The following PTPRN2 variants were observed in gnomAD, a reference collection of about 807,000 sequenced individuals.
The protein encoded by PTPRN2 is protein tyrosine phosphatase receptor type N2.
A neutral mutation model predicts 118.8 loss-of-function variants in PTPRN2; 74 were observed. The observed-to-expected ratio is 0.62, with a 90% confidence interval of 0.52 to 0.76. PTPRN2 has a LOEUF of 0.76. PTPRN2 is among the 30% of genes least tolerant of loss of function. The probability of loss-of-function intolerance (pLI) is 0.00; values close to 1 mark genes in which losing one functional copy is unlikely to be tolerated. For synonymous variants in PTPRN2, 641 were observed against 608.0 expected (o/e 1.05, Z -0.80); for missense variants, 1,481 against 1,394.4 (o/e 1.06, Z -0.99).
chr7:158,331,868 G>A (rs1412203999), intron 2 of PTPRN2, among the ~76,000 whole-genome samples: 1 of 109,682 alleles, frequency 9.1e-6, no homozygotes, highest in Non-Finnish European at 2.1e-5. Flanking sequence ...CACCATAAGA[G>A]CTGACACCCG....
intron 3 of PTPRN2, among the ~76,000 whole-genome samples, chr7:158,315,008 GAAGGACAGAGGTGAACCCGGGACGCCCTC>G (rs1563124408): frequency 7.0e-5 from 9 of 128,430 alleles, no homozygotes; most frequent in Admixed American, 7.6e-5. Context: ...GGGACCCCCT[GAAGGACAGAGGTGAACCCGGGACGCCCTC>G]AAGGACAGAG....
intron 11 of PTPRN2, among the ~76,000 whole-genome samples, chr7:157,982,974 A>G (rs868723049): frequency 2.1e-5 from 1 of 47,704 alleles, no homozygotes; most frequent in African/African-American, 9.0e-5. Flanking sequence ...TGCAGAGTGC[A>G]GGGTCCCCCC....
In PTPRN2 at chr7:157,676,853, A is replaced by G. The variant is rs1445275079; in HGVS notation, c.2001+5872T>C. ...AGGACCTGCTGTGCATGCAGGGGTC[A>G]CCCCAGGAGCGACCCTGGCTTTGAC... On this transcript the variant is annotated intron_variant, in intron 13 of 22. Transcript: ENST00000389418. This position sits in a 1 kb window ranked among gnomAD's most constrained non-coding sequence, Gnocchi z 5.6. 6.6e-6 allele frequency among the ~76,000 whole-genome samples: 1 copy of G among 152,180 alleles called. No homozygotes were observed. The highest frequency in any genetic ancestry group is 6.5e-5 in the Admixed American group (1 of 15,288).
intron 10 of PTPRN2, among the ~76,000 whole-genome samples, chr7:158,090,259 G>A (rs965544177): frequency 6.6e-6 from 1 of 150,648 alleles, no homozygotes; most frequent in Non-Finnish European, 1.5e-5. Context: ...CTCGAACAAT[G>A]TGTTCACATG....
intron 20 of PTPRN2, 128 bp downstream of exon 20, chr7:157,571,312 G>T: frequency 1.5e-6 from 1 of 650,846 alleles, no homozygotes; most frequent in Non-Finnish European, 2.6e-6. Context: ...TTATATTTTT[G>T]GTTTCCTTTA....
chr7:158,230,325 C>G (rs1215126061), intron 3 of PTPRN2, among the ~76,000 whole-genome samples: 1 of 152,086 alleles, frequency 6.6e-6, no homozygotes, highest in African/African-American at 2.4e-5. Context: ...ATAAAACACA[C>G]CGGTAAAAGT....
At chr7:157,921,577 G>A (rs1026225102) in intron 11 of PTPRN2, among the ~76,000 whole-genome samples, 1 of 152,242 alleles carries the variant, frequency 6.6e-6, no homozygotes, top group African/African-American at 2.4e-5. Context: ...TTTCTTGCAG[G>A]AGTGTGATAA....
intron 2 of PTPRN2, among the ~76,000 whole-genome samples, chr7:158,456,541 C>A (rs1207532440): frequency 2.0e-5 from 3 of 151,146 alleles, no homozygotes; most frequent in African/African-American, 7.3e-5. Context: ...CATCGCTCTG[C>A]GGAGAACATA....
chr7:158,369,249 T>TTTTATATA (rs1809766583), intron 2 of PTPRN2, among the ~76,000 whole-genome samples: 1 of 143,960 alleles, frequency 6.9e-6, no homozygotes, highest in South Asian at 2.3e-4. Flanking sequence ...AAACTCCCCT[T>TTTTATATA]TATATATATA....
At chr7:158,125,914 G>A (rs1305394489) in intron 9 of PTPRN2, among the ~76,000 whole-genome samples, 1 of 152,182 alleles carries the variant, frequency 6.6e-6, no homozygotes, top group Non-Finnish European at 1.5e-5. Flanking sequence ...GCTGGTTCTC[G>A]TGATGCGCTC....
chr7:158,332,768 C>T (rs1392627593), intron 2 of PTPRN2, among the ~76,000 whole-genome samples: 4 of 151,644 alleles, frequency 2.6e-5, no homozygotes, highest in African/African-American at 9.7e-5. Context: ...GACACTCACA[C>T]CCATACTCTC....
chr7:158,541,153 G>T (rs1479345136), intron 1 of PTPRN2, among the ~76,000 whole-genome samples: 2 of 152,194 alleles, frequency 1.3e-5, no homozygotes, highest in Non-Finnish European at 2.9e-5. Context: ...ACACTAGTGT[G>T]CCTGGCACCT....
chr7:158,248,107 A>T (rs909547207), intron 3 of PTPRN2, among the ~76,000 whole-genome samples: 2 of 152,180 alleles, frequency 1.3e-5, no homozygotes, highest in Admixed American at 1.3e-4. Flanking sequence ...ATGCTTTAAC[A>T]AGCTTCTAAG....
chr7:158,337,230 C>T (rs1447877957), intron 2 of PTPRN2, among the ~76,000 whole-genome samples: 1 of 151,872 alleles, frequency 6.6e-6, no homozygotes, highest in East Asian at 2.0e-4. Flanking sequence ...GTCACTAACA[C>T]CCACATTCTC....
rs1025083315 is a variant in PTPRN2, at chr7:157,929,261, G to C, written c.1724-30524C>G. On this transcript the variant is annotated intron_variant, in intron 11 of 22. Transcript: ENST00000389418. This position sits in a 1 kb window ranked among gnomAD's most constrained non-coding sequence, Gnocchi z 4.4. ...CACAGCCCCTCTTCCCCAGTACGCCGTGGCAGCCTGCCATCCGCTCTCTGC... is the reference window on the plus strand; with the variant it reads ...CACAGCCCCTCTTCCCCAGTACGCCCTGGCAGCCTGCCATCCGCTCTCTGC... 3.3e-5 allele frequency among the ~76,000 whole-genome samples: 5 copies of C among 152,096 alleles called. No individual in the cohort carries two copies. The highest frequency in any genetic ancestry group is 1.2e-4 in the African/African-American group (5 of 41,404).
At chr7:158,048,200 A>G (rs544134749) in intron 11 of PTPRN2, among the ~76,000 whole-genome samples, 1 of 152,204 alleles carries the variant, frequency 6.6e-6, no homozygotes, top group African/African-American at 2.4e-5. Flanking sequence ...TATTTTCATC[A>G]TAAAATATTG....
intron 10 of PTPRN2, among the ~76,000 whole-genome samples, chr7:158,091,057 C>G (rs1435565612): frequency 6.6e-6 from 1 of 152,240 alleles, no homozygotes; most frequent in South Asian, 2.1e-4. Context: ...AAATAAGAAC[C>G]GAGGCTTCTA....
intron 9 of PTPRN2, among the ~76,000 whole-genome samples, chr7:158,130,156 A>G (rs979150938): frequency 1.2e-4 from 18 of 152,214 alleles, no homozygotes; most frequent in African/African-American, 4.3e-4. Context: ...ATTCTCCCTG[A>G]TGAAATGTAG....
intron 11 of PTPRN2, among the ~76,000 whole-genome samples, chr7:158,033,809 GCTGAGACCTCGATAGAAACTGCACA>G (rs1807878320): frequency 1.5e-5 from 2 of 137,500 alleles, no homozygotes; most frequent in Admixed American, 1.5e-4. Context: ...CTGACTGCAC[GCTGAGACCTCGATAGAAACTGCACA>G]CTGAGGCCCG....
Sources: allele counts gnomAD v4.1 joint callset (sites outside exome capture counted in the v4.1 genomes callset), GRCh38; gene constraint gnomAD v4.1.1; non-coding constraint Gnocchi (gnomAD v3.1); transcripts MANE v1.5; gene names NCBI Gene and HGNC (gene_info 2026-07-23, HGNC 2026-07-21).